Variants in CTNNA1 observed in about 807,000 individuals in gnomAD.
The protein encoded by CTNNA1 is catenin alpha-1.
Under a neutral mutation model 98.4 loss-of-function variants are expected in CTNNA1, and 37 were observed. That is an observed-to-expected ratio of 0.38 (90% CI 0.29 to 0.49). The LOEUF (loss-of-function observed/expected upper bound fraction) is 0.49. Ranked by LOEUF, CTNNA1 falls within the 20% of genes least tolerant of loss-of-function variation. CTNNA1 has a pLI of 0.95. For synonymous variants in CTNNA1, 404 were observed against 413.2 expected (o/e 0.98, Z 0.27); for missense variants, 761 against 1,147.2 (o/e 0.66, Z 4.86).
chr5:138,860,064 A>G (rs1764118410), intron 7 of CTNNA1, among the ~76,000 whole-genome samples: 1 of 152,126 alleles, frequency 6.6e-6, no homozygotes, highest in Admixed American at 6.6e-5. Context: ...GATTGATATA[A>G]AATATTTGAA....
intron 5 of CTNNA1, 51 bp from the exon 6 acceptor site, chr5:138,824,479 T>G (rs1367448041): frequency 6.3e-7 from 1 of 1,583,338 alleles, no homozygotes. Flanking sequence ...TTTATATGAG[T>G]AAAGCCCATA....
rs111253084 is a variant in CTNNA1, at chr5:138,827,896, T to G, written c.1062+178T>G. 2.4e-5 allele frequency: 16 copies of G among 665,222 alleles called. 1 individual carries two copies. The highest frequency in any genetic ancestry group is 2.2e-4 in the African/African-American group (12 of 55,150). 41.2% of individuals were successfully genotyped at this position (665,222 alleles called of 1,614,324 possible). On this transcript the variant is annotated intron_variant, in intron 7 of 17. Transcript: ENST00000302763. The stretch of plus-strand genomic sequence containing the variant: ...AATGGCTAAGTGGCTCTTTCCTCTC[T>G]CCAGCTTATTGAGAAATTTTCAACT...
At position 138,930,694 on chromosome 5, in the gene CTNNA1, A is replaced by T. The variant is rs371129797; in HGVS notation, c.2192+40A>T. On this transcript the variant is annotated intron_variant, in intron 15 of 17. Transcript: ENST00000302763. ...GGCCCCACCAGGCTGCACAGGGGCT[A>T]CTTTCTTCCCCACAGGTCACCTGCG... The T allele has an allele frequency of 2.5e-6, 4 of 1,592,458 alleles. No individual in the cohort carries two copies. The African/African-American group carries it at 5.4e-5, about 21-fold the overall frequency.
chr5:138,816,461 A>G (rs1759442172), intron 5 of CTNNA1, among the ~76,000 whole-genome samples: 1 of 152,226 alleles, frequency 6.6e-6, no homozygotes, highest in Non-Finnish European at 1.5e-5. Context: ...ACAATTTTCC[A>G]TAATGGCTGT....
intron 11 of CTNNA1, among the ~76,000 whole-genome samples, chr5:138,920,272 G>C (rs10076629): frequency 0.26 from 39,408 of 152,072 alleles, 5,374 homozygotes; most frequent in Middle Eastern, 0.32. Context: ...GAGCCACCGT[G>C]CCCGGTCTAG....
chr5:138,881,880 G>T (rs1269338074), intron 7 of CTNNA1, among the ~76,000 whole-genome samples: 1 of 152,016 alleles, frequency 6.6e-6, no homozygotes. Flanking sequence ...AAATGTTAAG[G>T]GTTAAAACAC....
chr5:138,778,087 A>T (rs1346862888), intron 1 of CTNNA1, among the ~76,000 whole-genome samples: 1 of 130,718 alleles, frequency 7.7e-6, no homozygotes, highest in Non-Finnish European at 1.6e-5. Context: ...CTGCTCCCCC[A>T]GGTTCATGCC....
chr5:138,865,244 C>T (rs11950937), intron 7 of CTNNA1, among the ~76,000 whole-genome samples: 5,618 of 152,276 alleles, frequency 0.037, 280 homozygotes, highest in African/African-American at 0.12. Flanking sequence ...AAAGAGGAAA[C>T]ACCAGCTGCT....
intron 7 of CTNNA1, among the ~76,000 whole-genome samples, chr5:138,878,233 A>C (rs1268096331): frequency 6.6e-6 from 1 of 151,948 alleles, no homozygotes; most frequent in African/African-American, 2.4e-5. Flanking sequence ...TCACCTGCCC[A>C]CTCTTTGGGT....
At chr5:138,912,247 A>G (rs1015705965) in intron 10 of CTNNA1, among the ~76,000 whole-genome samples, 1 of 152,136 alleles carries the variant, frequency 6.6e-6, no homozygotes, top group Admixed American at 6.5e-5. Flanking sequence ...GTGTCTTAGA[A>G]GCCAAGTGAA....
chr5:138,931,906 C>G (rs1416391103), intron 16 of CTNNA1: 3 of 985,388 alleles, frequency 3.0e-6, no homozygotes, highest in Non-Finnish European at 1.2e-6. Context: ...GAGAGGTGCT[C>G]TGTGTTTCTC....
intron 7 of CTNNA1, among the ~76,000 whole-genome samples, chr5:138,881,654 G>A (rs1051790219): frequency 6.6e-6 from 1 of 152,098 alleles, no homozygotes. Context: ...TTTATTGAAG[G>A]TCCCTACTGT....
rs143033124 is a variant in CTNNA1, at chr5:138,906,309, A to G, written c.1389+1868A>G. On this transcript the variant is annotated intron_variant, in intron 10 of 17. Transcript: ENST00000302763. ...TGCATAGATATTTGCAATGGATCCA[A>G]TCACCACATCCAGAAGGATCTTGGA... Among the ~76,000 whole-genome samples, 95 of 152,342 alleles carry G rather than the reference A, an allele frequency of 6.2e-4. No individual in the cohort carries two copies. In the East Asian group the frequency reaches 0.017, roughly 27 times the overall value.
intron 13 of CTNNA1, among the ~76,000 whole-genome samples, chr5:138,927,169 A>C (rs556581187): frequency 6.6e-6 from 1 of 152,114 alleles, no homozygotes; most frequent in African/African-American, 2.4e-5. Context: ...CTACAGTCTC[A>C]TGAGCCACAG....
At chr5:138,915,127 A>G (rs569743345) in intron 10 of CTNNA1, among the ~76,000 whole-genome samples, 1 of 152,274 alleles carries the variant, frequency 6.6e-6, no homozygotes, top group East Asian at 1.9e-4. Context: ...AGCCTGGGCA[A>G]CAGAGGGACA....
intron 14 of CTNNA1, among the ~76,000 whole-genome samples, chr5:138,929,653 G>A (rs1053670762): frequency 2.0e-5 from 3 of 152,172 alleles, no homozygotes; most frequent in African/African-American, 7.2e-5. Flanking sequence ...TGAAAGGATC[G>A]TGAAATTTGA....
intron 7 of CTNNA1, chr5:138,827,993 GGT>G: frequency 2.3e-6 from 1 of 436,338 alleles, no homozygotes; most frequent in Non-Finnish European, 4.2e-6. Context: ...TACATGTGTA[GGT>G]GTGTGTATAT....
At chr5:138,931,517 C>T (rs1765317177) in intron 16 of CTNNA1, 10 of 851,132 alleles carry the variant, frequency 1.2e-5, no homozygotes, top group Middle Eastern at 1.2e-3. Context: ...ATGTGTGAGA[C>T]ACAAGCCTCC....
chr5:138,782,410 CA>C, intron 2 of CTNNA1: 1 of 411,032 alleles, frequency 2.4e-6, no homozygotes, highest in Non-Finnish European at 5.0e-6. Flanking sequence ...GCAGGTAATT[CA>C]ACTTGAGGGT....
Sources: gnomAD v4.1 joint callset for allele counts (sites outside exome capture counted in the v4.1 genomes callset) on GRCh38, gnomAD v4.1.1 for gene constraint, MANE v1.5 for transcripts, NCBI Gene and HGNC (gene_info 2026-07-23, HGNC 2026-07-21) for gene names.